SPOCK3: variants seen among roughly 807,000 people sequenced by gnomAD.
The protein encoded by SPOCK3 is SPARC (osteonectin), cwcv and kazal like domains proteoglycan 3.
SPOCK3 carries 30 observed loss-of-function variants against 56.6 expected under a neutral mutation model. The ratio of observed to expected loss-of-function variants is 0.53; its 90% CI spans 0.40 to 0.72. SPOCK3 has a LOEUF of 0.72. Among genes scored for constraint, SPOCK3 ranks in the 30% least tolerant of loss-of-function variants. The pLI, the probability that SPOCK3 is intolerant of heterozygous loss-of-function variation, is 0.00. For missense variants in SPOCK3, 527 were observed against 530.0 expected, an observed-to-expected ratio of 0.99 and a Z score of 0.06; for synonymous variants, 196 against 183.3, an observed-to-expected ratio of 1.07 and a Z score of -0.56.
chr4:166,971,258 G>T (rs1388726904), intron 4 of SPOCK3, among the ~76,000 whole-genome samples: 2 of 151,704 alleles, frequency 1.3e-5, no homozygotes, highest in East Asian at 1.9e-4. Flanking sequence ...CTGCTATTTT[G>T]TGTTTTTATT....
At chr4:167,110,865 C>T (rs745307860) in intron 2 of SPOCK3, among the ~76,000 whole-genome samples, 2 of 151,894 alleles carry the variant, frequency 1.3e-5, no homozygotes, top group East Asian at 3.9e-4. Context: ...TCAGTGCTAA[C>T]AATGCTACCA....
intron 5 of SPOCK3, among the ~76,000 whole-genome samples, chr4:166,896,087 A>G (rs941498703): frequency 6.6e-6 from 1 of 152,096 alleles, no homozygotes; most frequent in African/African-American, 2.4e-5. Flanking sequence ...TTAGAACATT[A>G]TTAAGAGTAA....
At chr4:167,056,115 G>C (rs1042386945) in intron 3 of SPOCK3, among the ~76,000 whole-genome samples, 71 of 152,252 alleles carry the variant, frequency 4.7e-4, no homozygotes, top group African/African-American at 1.6e-3. Flanking sequence ...ACTTCCAGAG[G>C]AACGATCAGA....
intron 2 of SPOCK3, among the ~76,000 whole-genome samples, chr4:167,066,570 A>T (rs886981486): frequency 6.6e-6 from 1 of 151,884 alleles, no homozygotes; most frequent in African/African-American, 2.4e-5. Context: ...TTTTAAATGC[A>T]GATTTTTGTG....
intron 2 of SPOCK3, among the ~76,000 whole-genome samples, chr4:167,073,661 G>T (rs901461898): frequency 5.3e-5 from 8 of 151,802 alleles, no homozygotes; most frequent in African/African-American, 1.9e-4. Context: ...CAAACTGAAA[G>T]CTGTTTTGTT....
intron 3 of SPOCK3, among the ~76,000 whole-genome samples, chr4:167,051,100 A>G (rs1754158574): frequency 6.6e-6 from 1 of 152,196 alleles, no homozygotes; most frequent in Non-Finnish European, 1.5e-5. Flanking sequence ...TATATATTTT[A>G]CTGTAATTTT....
intron 6 of SPOCK3, among the ~76,000 whole-genome samples, chr4:166,805,628 G>A (rs1409658198): frequency 6.6e-6 from 1 of 152,022 alleles, no homozygotes; most frequent in Non-Finnish European, 1.5e-5. Flanking sequence ...AACCTGCCAA[G>A]AACTGCTTTT....
intron 2 of SPOCK3, among the ~76,000 whole-genome samples, chr4:167,228,392 A>G (rs1736810288): frequency 6.6e-6 from 1 of 152,158 alleles, no homozygotes; most frequent in South Asian, 2.1e-4. Context: ...CTAGAGGGTT[A>G]AAAGTATTGC....
intron 8 of SPOCK3, 132 bp from the exon 9 acceptor site, chr4:166,742,191 T>C (rs1469591964): frequency 1.6e-6 from 1 of 625,824 alleles, no homozygotes; most frequent in Admixed American, 2.7e-5. Flanking sequence ...TTGGTTTACT[T>C]ATAAAGATAC....
At chr4:166,872,497 G>T (rs1413376701) in intron 6 of SPOCK3, among the ~76,000 whole-genome samples, 1 of 152,044 alleles carries the variant, frequency 6.6e-6, no homozygotes, top group African/African-American at 2.4e-5. Context: ...CCTGTACATG[G>T]ATGTTTATAA....
intron 2 of SPOCK3, among the ~76,000 whole-genome samples, chr4:167,104,711 A>G (rs140136129): frequency 6.6e-6 from 1 of 152,232 alleles, no homozygotes; most frequent in African/African-American, 2.4e-5. Flanking sequence ...AAACCTAGGG[A>G]AAGATATCAA....
intron 4 of SPOCK3, among the ~76,000 whole-genome samples, chr4:166,918,879 A>G (rs1191721231): frequency 6.6e-6 from 1 of 152,020 alleles, no homozygotes; most frequent in Non-Finnish European, 1.5e-5. Context: ...GTAATGAGTG[A>G]GTCCTTGCTC....
At chr4:167,229,870 G>C (rs1392069999) in intron 2 of SPOCK3, among the ~76,000 whole-genome samples, 1 of 152,078 alleles carries the variant, frequency 6.6e-6, no homozygotes, top group African/African-American at 2.4e-5. Context: ...AATGTAAACT[G>C]AAGTTGATTA....
intron 6 of SPOCK3, among the ~76,000 whole-genome samples, chr4:166,794,101 AT>A (rs1439898676): frequency 1.3e-5 from 2 of 151,456 alleles, no homozygotes; most frequent in African/African-American, 4.9e-5. Flanking sequence ...AATGTACAGA[AT>A]TCATTGCCAT....
At chr4:166,875,353 CATG>C (rs1172374592) in intron 6 of SPOCK3, among the ~76,000 whole-genome samples, 2 of 152,002 alleles carry the variant, frequency 1.3e-5, no homozygotes, top group Non-Finnish European at 2.9e-5. Context: ...AATACTTAAT[CATG>C]ATATTCCTTT....
chr4:167,093,446 C>A (rs1216809275), intron 2 of SPOCK3, among the ~76,000 whole-genome samples: 1 of 152,096 alleles, frequency 6.6e-6, no homozygotes, highest in African/African-American at 2.4e-5. Context: ...TCCCCTAACC[C>A]CCCATCCCCT....
At chr4:167,084,498 C>T (rs1758011124) in intron 2 of SPOCK3, among the ~76,000 whole-genome samples, 1 of 152,162 alleles carries the variant, frequency 6.6e-6, no homozygotes, top group Admixed American at 6.6e-5. Flanking sequence ...CTAGATAGAA[C>T]TTGCATAGTC....
Position 166,733,783 on chromosome 4 carries a change from A to G in SPOCK3, c.*1138T>C, listed in dbSNP as rs1372776165. ...TAATCATAAACAAGTCCACATGGCA[A>G]TTATGTAACAATAGAAAAAAAGAAA... On this transcript the variant is annotated 3_prime_UTR_variant, in exon 11 of 11. Transcript: ENST00000357545. The G allele has an allele frequency of 6.6e-6, 1 of 152,288 alleles. No individual in the cohort carries two copies. Among genetic ancestry groups the G allele is most frequent in the African/African-American group, 2.4e-5 (1 of 41,438 alleles). 9.4% of individuals were successfully genotyped at this position (152,288 alleles called of 1,614,324 possible). A position where few individuals can be genotyped will look rare whatever the true frequency, so the allele number is the denominator to read the frequency against.
At chr4:166,765,636 G>A (rs892306537) in intron 7 of SPOCK3, among the ~76,000 whole-genome samples, 6 of 152,106 alleles carry the variant, frequency 3.9e-5, no homozygotes, top group Admixed American at 3.9e-4. Context: ...CTCCAGCTTT[G>A]TTCTTTTGGC....
Sources: allele counts gnomAD v4.1 joint callset (sites outside exome capture counted in the v4.1 genomes callset), GRCh38; gene constraint gnomAD v4.1.1; transcripts MANE v1.5; gene names NCBI Gene and HGNC (gene_info 2026-07-23, HGNC 2026-07-21).